The following SUPT3H variants were observed in gnomAD, a reference collection of about 807,000 sequenced individuals.
The protein encoded by SUPT3H is SPT3 homolog, SAGA and STAGA complex component.
Under a neutral mutation model 44.3 loss-of-function variants are expected in SUPT3H, and 44 were observed. The ratio of observed to expected loss-of-function variants is 0.99; its 90% CI spans 0.78 to 1.28. SUPT3H has a LOEUF of 1.28. Among genes scored for constraint, SUPT3H ranks in the 50% most tolerant of loss-of-function variants. The probability of loss-of-function intolerance (pLI) is 0.00; values close to 1 mark genes in which losing one functional copy is unlikely to be tolerated. For missense variants in SUPT3H, 380 were observed against 387.1 expected (o/e 0.98, Z 0.15); for synonymous variants, 124 against 125.6 (o/e 0.99, Z 0.09).
At chr6:44,844,929 C>A (rs953036013) in intron 10 of SUPT3H, among the ~76,000 whole-genome samples, 6 of 151,996 alleles carry the variant, frequency 3.9e-5, no homozygotes, top group African/African-American at 1.5e-4. Flanking sequence ...CAACAAAACC[C>A]CCCCCACAAT....
At chr6:45,115,180 T>C (rs926545465) in intron 2 of SUPT3H, among the ~76,000 whole-genome samples, 2 of 152,058 alleles carry the variant, frequency 1.3e-5, no homozygotes, top group Admixed American at 1.3e-4. Context: ...CCATGTTACA[T>C]AAACATGGAA....
intron 10 of SUPT3H, among the ~76,000 whole-genome samples, chr6:44,897,991 C>A (rs1764361772): frequency 1.3e-5 from 2 of 152,014 alleles, no homozygotes; most frequent in Non-Finnish European, 2.9e-5. Context: ...CCATTCCATC[C>A]AAAAAAACTT....
intron 9 of SUPT3H, among the ~76,000 whole-genome samples, chr6:44,951,158 A>G (rs1394643175): frequency 6.7e-6 from 1 of 150,362 alleles, no homozygotes. Flanking sequence ...TATTATCCTA[A>G]CTTCTACCTT....
chr6:45,246,966 T>C (rs148010331), intron 2 of SUPT3H, among the ~76,000 whole-genome samples: 3 of 152,144 alleles, frequency 2.0e-5, no homozygotes, highest in East Asian at 1.9e-4. Flanking sequence ...AGGAAAGATA[T>C]AATTGAGACA....
chr6:44,988,531 A>T (rs1780148562), intron 6 of SUPT3H, among the ~76,000 whole-genome samples: 1 of 149,484 alleles, frequency 6.7e-6, no homozygotes. Context: ...AAAAAAAAAA[A>T]AAAAAAAAAA....
chr6:45,042,828 C>CAA (rs10648880), intron 3 of SUPT3H, among the ~76,000 whole-genome samples: 149,081 of 152,190 alleles, frequency 0.98, 73,031 homozygotes, highest in Middle Eastern at 1. Context: ...TTCACAATAG[C>CAA]AGACTTGGAA....
intron 2 of SUPT3H, among the ~76,000 whole-genome samples, chr6:45,309,254 A>G (rs1037827528): frequency 2.6e-5 from 4 of 151,886 alleles, no homozygotes; most frequent in Admixed American, 1.3e-4. Flanking sequence ...AATCATTTTA[A>G]GTGAGCTCAG....
intron 10 of SUPT3H, among the ~76,000 whole-genome samples, chr6:44,891,078 T>A (rs957903758): frequency 6.6e-6 from 1 of 152,054 alleles, no homozygotes; most frequent in Non-Finnish European, 1.5e-5. Flanking sequence ...TGTATACCTA[T>A]GTAACAAACC....
intron 2 of SUPT3H, among the ~76,000 whole-genome samples, chr6:45,166,825 C>T (rs191373358): frequency 3.9e-5 from 6 of 152,266 alleles, no homozygotes; most frequent in Admixed American, 3.9e-4. Flanking sequence ...AACACTTACA[C>T]ACCATTACAT....
intron 2 of SUPT3H, among the ~76,000 whole-genome samples, chr6:45,204,447 C>T (rs1400683130): frequency 5.3e-5 from 8 of 152,150 alleles, no homozygotes; most frequent in Non-Finnish European, 7.4e-5. Context: ...ACTGGATCTA[C>T]GAGGAACACT....
intron 2 of SUPT3H, among the ~76,000 whole-genome samples, chr6:45,355,033 G>T (rs1360487269): frequency 2.0e-5 from 3 of 151,948 alleles, no homozygotes; most frequent in Non-Finnish European, 4.4e-5. Flanking sequence ...AAAGTGCAGT[G>T]GTACGATCAC....
In SUPT3H at chr6:44,816,460, T is replaced by C. The variant is rs1766919127; in HGVS notation, c.*53-6959A>G. ...TCTAATAGATAACCTTATATCTATC[T>C]AAGAAATAGCCTTATATCTAATATT... is the stretch of plus-strand genomic sequence containing the variant. On this transcript the variant is annotated intron_variant and NMD_transcript_variant, in intron 11 of 11. Transcript: ENST00000475057. 4.6e-5 allele frequency among the ~76,000 whole-genome samples: 7 copies of C among 152,210 alleles called. No individual in the cohort carries two copies. The East Asian group carries it at 7.7e-4, about 17-fold the overall frequency.
intron 2 of SUPT3H, among the ~76,000 whole-genome samples, chr6:45,346,708 G>C (rs1262330695): frequency 6.6e-6 from 1 of 151,908 alleles, no homozygotes; most frequent in African/African-American, 2.4e-5. Flanking sequence ...GGGATTACAG[G>C]TGCAGGCCAC....
rs1305006324 is a variant in SUPT3H, at chr6:45,188,183, A to G, written c.102-82177T>C. ...TTTAATAATGACGCCAAAGGGCAAC[A>G]GCAGTGATGCTGGCAATTCCAATTT... On this transcript the variant is annotated intron_variant, in intron 2 of 10. Transcript: ENST00000371459. Among the ~76,000 whole-genome samples, 4 of 152,388 alleles carry G rather than the reference A, an allele frequency of 2.6e-5. No homozygotes were observed. The East Asian group carries it at 5.8e-4, about 22-fold the overall frequency.
At position 44,828,405 on chromosome 6, in the gene SUPT3H, T is replaced by A. The variant is rs1282225016; in HGVS notation, c.*1411A>T. On this transcript the variant is annotated 3_prime_UTR_variant, in exon 11 of 11. Coordinates refer to ENST00000371459, the MANE Select transcript of SUPT3H (RefSeq NM_003599.4). ...TCTAAAAAGATTAACATAGAGCAGG[T>A]AAATGACAGTTAACAAATGTAAATA... 6.6e-6 allele frequency among the ~76,000 whole-genome samples: 1 copy of A among 152,164 alleles called. No homozygotes were observed. Among genetic ancestry groups the A allele is most frequent in the Non-Finnish European group, 1.5e-5 (1 of 68,008 alleles).
chr6:45,357,029 C>T (rs774664375), intron 2 of SUPT3H, among the ~76,000 whole-genome samples: 5 of 152,046 alleles, frequency 3.3e-5, no homozygotes, highest in South Asian at 2.1e-4. Flanking sequence ...TTTTCTGAGA[C>T]GGAGTCTCAC....
intron 10 of SUPT3H, among the ~76,000 whole-genome samples, chr6:44,837,829 ATAATTTTTTTTACAATCTTGGT>A (rs1267696144): frequency 6.6e-6 from 1 of 152,256 alleles, no homozygotes; most frequent in East Asian, 1.9e-4. Flanking sequence ...AGTAGATAAT[ATAATTTTTTTTACAATCTTGGT>A]TTTGTAGTCA....
At chr6:45,327,275 C>CA (rs1451682996) in intron 2 of SUPT3H, among the ~76,000 whole-genome samples, 1 of 151,674 alleles carries the variant, frequency 6.6e-6, no homozygotes, top group Non-Finnish European at 1.5e-5. Flanking sequence ...CCATTAGAAA[C>CA]AAAAAAATAC....
At chr6:45,223,086 G>T (rs1397539630) in intron 2 of SUPT3H, among the ~76,000 whole-genome samples, 1 of 151,916 alleles carries the variant, frequency 6.6e-6, no homozygotes, top group African/African-American at 2.4e-5. Context: ...AAAAGGGGAA[G>T]CAACACAAGG....
Sources: allele counts gnomAD v4.1 joint callset (sites outside exome capture counted in the v4.1 genomes callset), GRCh38; gene constraint gnomAD v4.1.1; transcripts MANE v1.5; gene names NCBI Gene and HGNC (gene_info 2026-07-23, HGNC 2026-07-21).